PDE7A: variants seen among roughly 807,000 people sequenced by gnomAD.
The protein encoded by PDE7A is high affinity 3',5'-cyclic-AMP phosphodiesterase 7A.
In PDE7A, 39 loss-of-function variants were observed where a neutral mutation model predicts 64.3. The observed-to-expected ratio is 0.61, with a 90% CI of 0.47 to 0.79. The LOEUF (loss-of-function observed/expected upper bound fraction) is 0.79. Among genes scored for constraint, PDE7A ranks in the 30% least tolerant of loss-of-function variants. The pLI, the probability that PDE7A is intolerant of heterozygous loss-of-function variation, is 0.00. For missense variants in PDE7A, 470 were observed against 582.8 expected, an observed-to-expected ratio of 0.81 and a Z score of 1.99; for synonymous variants, 203 against 206.8, an observed-to-expected ratio of 0.98 and a Z score of 0.16.
At position 65,718,976 on chromosome 8, in the gene PDE7A, A is replaced by G. The variant is rs1468643022; in HGVS notation, c.*314T>C. ...GAACAATTCAAGTTTCACGTTTTGA[A>G]GATTAGATGCTTTGAAAAAGTCGTG... On this transcript the variant is annotated 3_prime_UTR_variant, in exon 13 of 13. Transcript: ENST00000401827. 1.1e-5 allele frequency: 4 copies of G among 360,908 alleles called. No individual in the cohort carries two copies. The highest frequency in any genetic ancestry group is 2.1e-5 in the Non-Finnish European group (4 of 193,562). The allele number at this position is 360,908 out of a possible 1,614,324, so 22.4% of individuals were successfully genotyped here. A position where few individuals can be genotyped will look rare whatever the true frequency, so the allele number is the denominator to read the frequency against.
chr8:65,739,711 T>G, intron 5 of PDE7A, 114 bp from the exon 6 acceptor site: 1 of 1,113,034 alleles, frequency 9.0e-7, no homozygotes, highest in Non-Finnish European at 1.1e-6. Context: ...TAATTCCCAC[T>G]TTTTGTCTAT....
chr8:65,815,264 A>C (rs986666919), intron 1 of PDE7A, among the ~76,000 whole-genome samples: 2 of 152,188 alleles, frequency 1.3e-5, no homozygotes, highest in African/African-American at 4.8e-5. Context: ...CCTAACTTAT[A>C]AGAGCCATTA....
chr8:65,767,077 A>G (rs1808824933), intron 3 of PDE7A, among the ~76,000 whole-genome samples: 1 of 152,212 alleles, frequency 6.6e-6, no homozygotes, highest in African/African-American at 2.4e-5. Flanking sequence ...GTTTTTTAAA[A>G]AAGGTATATA....
chr8:65,810,811 AG>A (rs1453001841), intron 1 of PDE7A, among the ~76,000 whole-genome samples: 2 of 152,210 alleles, frequency 1.3e-5, no homozygotes, highest in Non-Finnish European at 2.9e-5. Context: ...TAATAAAGTA[AG>A]AAAAAGGTAA....
At chr8:65,825,189 T>C (rs1014579425) in intron 1 of PDE7A, among the ~76,000 whole-genome samples, 4 of 152,188 alleles carry the variant, frequency 2.6e-5, no homozygotes, top group African/African-American at 9.6e-5. Context: ...GAACTATGGA[T>C]GGTCTTTACT....
chr8:65,747,079 A>G (rs1807705787), intron 4 of PDE7A, among the ~76,000 whole-genome samples: 1 of 152,220 alleles, frequency 6.6e-6, no homozygotes, highest in Admixed American at 6.5e-5. Context: ...GCTCACAATC[A>G]ACAAGTTTAA....
intron 1 of PDE7A, among the ~76,000 whole-genome samples, chr8:65,826,275 C>A (rs1247869575): frequency 6.6e-6 from 1 of 152,218 alleles, no homozygotes; most frequent in Non-Finnish European, 1.5e-5. Context: ...TTAAAAATTA[C>A]TTCAACCAAA....
At chr8:65,723,697 A>G in intron 11 of PDE7A, 76 bp from the exon 12 acceptor site, 1 of 1,016,668 alleles carries the variant, frequency 9.8e-7, no homozygotes. Context: ...GCTTGAACAT[A>G]CCTGTGCATT....
At chr8:65,828,515 T>C (rs1039439853) in intron 1 of PDE7A, among the ~76,000 whole-genome samples, 3 of 152,174 alleles carry the variant, frequency 2.0e-5, no homozygotes, top group Admixed American at 1.3e-4. Flanking sequence ...TGAATTAAAA[T>C]ATCTATCATT....
Position 65,817,738 on chromosome 8 carries a change from T to A in PDE7A, c.138+23633A>T, listed in dbSNP as rs184586173. 8.8e-4 allele frequency among the ~76,000 whole-genome samples: 127 copies of A among 145,032 alleles called. 1 individual carries two copies. The highest frequency in any genetic ancestry group is 3.3e-3 in the Admixed American group (45 of 13,716). ...GTGAAGTCCCTCTCATTATATCTCA[T>A]CATATCAAGGAGTGTTTTTTTTTTT... On this transcript the variant is annotated intron_variant, in intron 1 of 12. Transcript: ENST00000401827.
At chr8:65,736,790 G>GT (rs34814975) in intron 6 of PDE7A, among the ~76,000 whole-genome samples, 85,438 of 128,802 alleles carry the variant, frequency 0.66, 29,367 homozygotes, top group Non-Finnish European at 0.78. Context: ...AAATTTATCT[G>GT]TTTTTTTTTT....
At chr8:65,830,075 C>T (rs2128934236) in intron 1 of PDE7A, among the ~76,000 whole-genome samples, 1 of 152,216 alleles carries the variant, frequency 6.6e-6, no homozygotes, top group East Asian at 1.9e-4. Context: ...TTACCTCATT[C>T]CCCTCTGCCA....
At chr8:65,772,716 T>C (rs1563501154) in intron 3 of PDE7A, among the ~76,000 whole-genome samples, 1 of 152,088 alleles carries the variant, frequency 6.6e-6, no homozygotes, top group Non-Finnish European at 1.5e-5. Flanking sequence ...AGCCTAGGGT[T>C]AAACTGGCCA....
rs1202656747 is a variant in PDE7A at position 65,767,454 on chromosome 8, C to T, written c.283+12266G>A. 2.6e-5 allele frequency among the ~76,000 whole-genome samples: 4 copies of T among 152,126 alleles called. No individual in the cohort carries two copies. In the South Asian group the frequency reaches 6.2e-4, roughly 24 times the overall value. On this transcript the variant is annotated intron_variant, in intron 3 of 12. Transcript: ENST00000401827. ...ACAGTCCCAGGCTAACTCCTATATCCCTTGTTACAGTCTTTTATTAAAACG... is the reference window on the plus strand; with the variant it reads ...ACAGTCCCAGGCTAACTCCTATATCTCTTGTTACAGTCTTTTATTAAAACG...
chr8:65,739,609 G>A lies in PDE7A; in HGVS notation c.500-12C>T. 1.3e-6 allele frequency: 2 copies of A among 1,503,352 alleles called. No homozygotes were observed. Among genetic ancestry groups the A allele is most frequent in the Non-Finnish European group, 1.8e-6 (2 of 1,130,256 alleles). 93.1% of individuals were successfully genotyped at this position (1,503,352 alleles called of 1,614,324 possible). ...TACTAGACTATTTCCTAAAAAGAAAGAAGAGACATTACATTAGTAGGAAAT... is the reference window on the plus strand; with the variant it reads ...TACTAGACTATTTCCTAAAAAGAAAAAAGAGACATTACATTAGTAGGAAAT... On this transcript the variant is annotated splice_polypyrimidine_tract_variant and intron_variant, in intron 5 of 12. Transcript: ENST00000401827.
intron 7 of PDE7A, among the ~76,000 whole-genome samples, chr8:65,732,585 A>G (rs939655119): frequency 1.3e-5 from 2 of 152,076 alleles, no homozygotes; most frequent in Non-Finnish European, 2.9e-5. Flanking sequence ...TGGCACTATC[A>G]CTACTCTCTG....
chr8:65,821,373 A>G (rs2128932177), intron 1 of PDE7A, among the ~76,000 whole-genome samples: 2 of 149,362 alleles, frequency 1.3e-5, no homozygotes, highest in Non-Finnish European at 3.0e-5. Context: ...TTAAGGTTAA[A>G]ATTCCCTCCC....
At chr8:65,771,825 C>T (rs1809098972) in intron 3 of PDE7A, among the ~76,000 whole-genome samples, 1 of 137,148 alleles carries the variant, frequency 7.3e-6, no homozygotes, top group South Asian at 2.2e-4. Flanking sequence ...CAGTGAGCCA[C>T]GATTGAGCCA....
chr8:65,802,646 T>C (rs956508755), intron 1 of PDE7A, among the ~76,000 whole-genome samples: 4 of 152,218 alleles, frequency 2.6e-5, no homozygotes, highest in Non-Finnish European at 5.9e-5. Context: ...ATAAAAATAA[T>C]CCAGGAAGAT....
Sources: allele counts gnomAD v4.1 joint callset (sites outside exome capture counted in the v4.1 genomes callset), GRCh38; gene constraint gnomAD v4.1.1; transcripts MANE v1.5; gene names NCBI Gene and HGNC (gene_info 2026-07-23, HGNC 2026-07-21).